The following NBEAL1 variants were observed in gnomAD, a reference collection of about 807,000 sequenced individuals.
NBEAL1 encodes neurobeachin-like protein 1.
In NBEAL1, 273 loss-of-function variants were observed where a neutral mutation model predicts 351.3. The observed-to-expected ratio is 0.78, with a 90% confidence interval of 0.70 to 0.86. The LOEUF (loss-of-function observed/expected upper bound fraction) is 0.86, where lower values mean the gene tolerates loss of function less well. Ranked by LOEUF, NBEAL1 falls within the 40% of genes least tolerant of loss-of-function variation. The pLI, the probability that NBEAL1 is intolerant of heterozygous loss-of-function variation, is 0.00. For synonymous variants in NBEAL1, 1,050 were observed against 1,086.4 expected, an observed-to-expected ratio of 0.97 and a Z score of 0.66; for missense variants, 2,961 against 3,201.3, an observed-to-expected ratio of 0.92 and a Z score of 1.81.
At chr2:203,125,749 A>C (rs985673266) in intron 20 of NBEAL1, among the ~76,000 whole-genome samples, 2 of 152,138 alleles carry the variant, frequency 1.3e-5, no homozygotes, top group Non-Finnish European at 2.9e-5. Flanking sequence ...ATATGACCAC[A>C]TTGTTAAATT....
chr2:203,158,658 CAAAT>C (rs1218142796), intron 36 of NBEAL1, among the ~76,000 whole-genome samples: 3 of 151,988 alleles, frequency 2.0e-5, no homozygotes, highest in Non-Finnish European at 2.9e-5. Flanking sequence ...AGGAGGAAAA[CAAAT>C]ATATGTTATT....
At chr2:203,162,509 G>A (rs942490492) in intron 36 of NBEAL1, among the ~76,000 whole-genome samples, 11 of 151,998 alleles carry the variant, frequency 7.2e-5, no homozygotes, top group South Asian at 2.1e-4. Flanking sequence ...TTGGGAGGCC[G>A]AGGTGGACAG....
intron 47 of NBEAL1, among the ~76,000 whole-genome samples, chr2:203,195,809 T>C (rs2105794560): frequency 6.6e-6 from 1 of 152,292 alleles, no homozygotes; most frequent in Middle Eastern, 3.4e-3. Flanking sequence ...AAGGTTTTTA[T>C]TGGAGGCTGG....
intron 4 of NBEAL1, among the ~76,000 whole-genome samples, chr2:203,051,179 T>G (rs1017673972): frequency 1.3e-5 from 2 of 152,212 alleles, no homozygotes; most frequent in African/African-American, 4.8e-5. Flanking sequence ...TCCCAGAGCC[T>G]TAGACATGTT....
chr2:203,143,066 A>G (rs2063421111), intron 31 of NBEAL1, among the ~76,000 whole-genome samples: 1 of 152,204 alleles, frequency 6.6e-6, no homozygotes, highest in African/African-American at 2.4e-5. Flanking sequence ...TCAGGTTCTA[A>G]TACTTTTTAA....
rs762967527 is a variant in NBEAL1, at chr2:203,151,454, A to G, written c.5463-11A>G. The stretch of plus-strand genomic sequence containing the variant: ...AAATAATTTTACTTATTTGCTTATG[A>G]ATATTCTTAGGAAACAGAATCCAAT... On this transcript the variant is annotated splice_polypyrimidine_tract_variant and intron_variant, in intron 34 of 55. Transcript: ENST00000683969. 12 of 1,567,732 alleles carry G rather than the reference A, an allele frequency of 7.7e-6. No individual in the cohort carries two copies. Among genetic ancestry groups the G allele is most frequent in the Non-Finnish European group, 8.6e-6 (10 of 1,156,980 alleles).
In NBEAL1 at chr2:203,155,699, C is replaced by T. The variant is rs2063780910; in HGVS notation, c.5588-2000C>T. ...CTGGGCTCAAGTGATCCTTCCACCT[C>T]AGCCTCCCAGAGTGCTGGGATTACA... On this transcript the variant is annotated intron_variant, in intron 35 of 55. Coordinates refer to ENST00000683969, the MANE Select transcript of NBEAL1 (RefSeq NM_001378026.1). Among the ~76,000 whole-genome samples the T allele has an allele frequency of 2.0e-5, 3 of 152,196 alleles. No homozygotes were observed. The South Asian group carries it at 6.2e-4, about 31-fold the overall frequency.
rs1244735183 is a variant in NBEAL1, at chr2:203,126,606, T to G, written c.3035T>G (p.Leu1012Arg). ...AATGTGTTGATGGCAGTTCAGTTAC[T>G]AATTGAACAAGTATCATTAGAGAAA... Reference protein sequence around the residue: ...DVNVLMAVQLLIEQVSLEKNM... With the variant: ...DVNVLMAVQLRIEQVSLEKNM... The change falls in exon 22 of 56, where the codon CTA (leucine) becomes CGA (arginine). Residue 1012 changes from leucine (L) to arginine (R), a missense_variant. By Grantham distance (102) the Leu-to-Arg change is moderately radical. Coordinates refer to ENST00000683969, the MANE Select transcript of NBEAL1 (RefSeq NM_001378026.1). 3 of 1,520,416 alleles carry G rather than the reference T, an allele frequency of 2.0e-6. No individual in the cohort carries two copies. Among genetic ancestry groups the G allele is most frequent in the Non-Finnish European group, 2.6e-6 (3 of 1,134,978 alleles). The allele number at this position is 1,520,416 out of a possible 1,614,324, so 94.2% of individuals were successfully genotyped here. A position where few individuals can be genotyped will look rare whatever the true frequency, so the allele number is the denominator to read the frequency against.
chr2:203,192,963 CTTTT>C (rs71408917), intron 46 of NBEAL1, among the ~76,000 whole-genome samples: 2 of 99,332 alleles, frequency 2.0e-5, no homozygotes, highest in African/African-American at 3.9e-5. Flanking sequence ...TTCTTTCTTT[CTTTT>C]TTTTTTTTTT....
At chr2:203,041,921 T>C in intron 3 of NBEAL1, 65 bp downstream of exon 3, 1 of 1,029,570 alleles carries the variant, frequency 9.7e-7, no homozygotes, top group Non-Finnish European at 1.5e-6. Context: ...AAGATTTCAT[T>C]GATGACATAT....
At chr2:203,020,074 T>G (rs925580800) in intron 2 of NBEAL1, among the ~76,000 whole-genome samples, 1 of 152,224 alleles carries the variant, frequency 6.6e-6, no homozygotes, top group Non-Finnish European at 1.5e-5. Context: ...TGGGGTACAA[T>G]GTAATGTTTT....
chr2:203,126,026 A>G lies in NBEAL1; in HGVS notation c.2918A>G (p.His973Arg). The change falls in exon 21 of 56, where the codon CAT (histidine) becomes CGT (arginine). Residue 973 changes from histidine (H) to arginine (R), a missense_variant. Physicochemically the swap from His to Arg is conservative, Grantham distance 29. Transcript: ENST00000683969. ...ATTGTGAAACATTTTATTCAGAGAC[A>G]TCCTATCAACCAGGGCAATCTTATT... ...ILIVKHFIQR[H>R]PINQGNLIHS... The G allele has an allele frequency of 6.5e-7, 1 of 1,544,520 alleles. No individual in the cohort carries two copies. Among genetic ancestry groups the G allele is most frequent in the Non-Finnish European group, 8.7e-7 (1 of 1,144,032 alleles).
chr2:203,096,902 G>T (rs2062196660), intron 10 of NBEAL1, among the ~76,000 whole-genome samples: 1 of 152,140 alleles, frequency 6.6e-6, no homozygotes, highest in African/African-American at 2.4e-5. Context: ...TCTTTGGTTT[G>T]TGTCAGTAAC....
chr2:203,170,910 A>C (rs2064298596), intron 39 of NBEAL1, among the ~76,000 whole-genome samples: 1 of 152,184 alleles, frequency 6.6e-6, no homozygotes, highest in Non-Finnish European at 1.5e-5. Context: ...ACTGTTTTTT[A>C]ATATGCATAC....
intron 18 of NBEAL1, among the ~76,000 whole-genome samples, chr2:203,120,166 A>T (rs1159148473): frequency 6.6e-6 from 1 of 152,174 alleles, no homozygotes; most frequent in African/African-American, 2.4e-5. Flanking sequence ...TGTTAACAAT[A>T]TGTTAAGCAC....
At chr2:203,115,418 G>T (rs1039699920) in intron 17 of NBEAL1, among the ~76,000 whole-genome samples, 4 of 151,470 alleles carry the variant, frequency 2.6e-5, no homozygotes, top group African/African-American at 4.9e-5. Context: ...GCCACCATGC[G>T]TGACCAGATA....
chr2:203,163,436 T>G (rs115652888), intron 36 of NBEAL1, among the ~76,000 whole-genome samples: 5,356 of 152,140 alleles, frequency 0.035, 301 homozygotes, highest in African/African-American at 0.12. Flanking sequence ...AATTTTATAT[T>G]CTTTTTATAT....
chr2:203,067,863 A>G (rs2061620059), intron 6 of NBEAL1, among the ~76,000 whole-genome samples: 1 of 152,230 alleles, frequency 6.6e-6, no homozygotes, highest in Non-Finnish European at 1.5e-5. Flanking sequence ...GGCTTTACCA[A>G]AGCCTGTAGA....
In NBEAL1 at chr2:203,077,792, A is replaced by G; in HGVS notation, c.639A>G (p.Lys213=). ...GTGAACATCTCAAGGAAAGTCTTAA[A>G]TGTTGCTTATTGCATCTCTTTGGAG... is the stretch of plus-strand genomic sequence containing the variant. ...QESEHLKESL[K]CCLLHLFGAI... The change falls in exon 8 of 56, where the codon AAA becomes AAG. Residue 213 remains lysine (K), a synonymous_variant. Coordinates refer to ENST00000683969, the MANE Select transcript of NBEAL1 (RefSeq NM_001378026.1). The G allele has an allele frequency of 6.8e-7, 1 of 1,472,606 alleles. No homozygotes were observed. Among genetic ancestry groups the G allele is most frequent in the African/African-American group, 1.4e-5 (1 of 70,948 alleles). 91.2% of individuals were successfully genotyped at this position (1,472,606 alleles called of 1,614,324 possible).
Sources: allele counts gnomAD v4.1 joint callset (sites outside exome capture counted in the v4.1 genomes callset), GRCh38; gene constraint gnomAD v4.1.1; transcripts MANE v1.5; gene names NCBI Gene and HGNC (gene_info 2026-07-23, HGNC 2026-07-21).